Variants in CNTN4 observed in about 807,000 individuals in gnomAD.
CNTN4 encodes the protein contactin-4.
A neutral mutation model predicts 122.5 loss-of-function variants in CNTN4; 77 were observed. That is an observed-to-expected ratio of 0.63 (90% CI 0.52 to 0.76). CNTN4 has a LOEUF of 0.76. Among genes scored for constraint, CNTN4 ranks in the 30% least tolerant of loss-of-function variants. CNTN4 has a pLI of 0.00. For synonymous variants in CNTN4, 512 were observed against 447.0 expected (o/e 1.15, Z -1.83); for missense variants, 1,256 against 1,259.1 (o/e 1.00, Z 0.04).
chr3:2,665,232 AACCAGGCTATAC>A (rs1306042713), intron 4 of CNTN4, among the ~76,000 whole-genome samples: 2 of 152,224 alleles, frequency 1.3e-5, no homozygotes, highest in Non-Finnish European at 2.9e-5. Context: ...GCCTTTTCTT[AACCAGGCTATAC>A]AGAATTTGTA....
At chr3:2,855,208 A>C (rs1032018396) in intron 7 of CNTN4, among the ~76,000 whole-genome samples, 2 of 152,196 alleles carry the variant, frequency 1.3e-5, no homozygotes, top group African/African-American at 4.8e-5. Flanking sequence ...CAGTCAGGGT[A>C]ATCACTGCTG....
At chr3:3,052,883 C>T (rs1701403604) in intron 23 of CNTN4, among the ~76,000 whole-genome samples, 1 of 152,198 alleles carries the variant, frequency 6.6e-6, no homozygotes, top group Admixed American at 6.5e-5. Flanking sequence ...AATGTCCTGT[C>T]TCTAAGAGTC....
At chr3:2,636,940 GT>G (rs34067643) in intron 4 of CNTN4, among the ~76,000 whole-genome samples, 10,919 of 95,048 alleles carry the variant, frequency 0.11, 232 homozygotes, top group South Asian at 0.18. Flanking sequence ...TTTTTTTTTG[GT>G]TTTTTTTTTT....
At position 2,709,231 on chromosome 3, in the gene CNTN4, A is replaced by G. The variant is rs897290915; in HGVS notation, c.56-26984A>G. Among the ~76,000 whole-genome samples the G allele has an allele frequency of 2.0e-5, 3 of 152,362 alleles. No individual in the cohort carries two copies. In the South Asian group the frequency reaches 6.2e-4, roughly 32 times the overall value. ...TAAAAATAACTATTTCTTTTAGAAT[A>G]AAGAATGTATTTATAGTTTTGTTTT... On this transcript the variant is annotated intron_variant, in intron 4 of 24. Transcript: ENST00000418658. The surrounding 1 kb of genome is among the most constrained non-coding windows in gnomAD (Gnocchi z 5.0).
At chr3:2,327,931 C>T (rs886913436) in intron 2 of CNTN4, among the ~76,000 whole-genome samples, 12 of 152,164 alleles carry the variant, frequency 7.9e-5, no homozygotes, top group African/African-American at 2.7e-4. Flanking sequence ...TCCCCTCACC[C>T]CTTCCCCACT....
chr3:3,050,280 T>C (rs163566), intron 23 of CNTN4, among the ~76,000 whole-genome samples: 88,261 of 151,584 alleles, frequency 0.58, 25,893 homozygotes, highest in East Asian at 0.77. Context: ...TAAATGTTCA[T>C]GTCTAACTCA....
chr3:2,952,695 C>T (rs972346374), intron 13 of CNTN4, among the ~76,000 whole-genome samples: 7 of 152,104 alleles, frequency 4.6e-5, no homozygotes, highest in Non-Finnish European at 7.4e-5. Flanking sequence ...TGTCAATTCA[C>T]TACAAATATT....
rs2094191049 is a variant in CNTN4 at position 2,902,970 on chromosome 3, G to T, written c.1172G>T (p.Gly391Val). Residue 391 changes from glycine (G) to valine (V), a missense_variant, in exon 12 of 25, where the codon GGA becomes GTA. Coordinates refer to ENST00000418658, the MANE Select transcript of CNTN4 (RefSeq NM_175607.3). ...CAGTGTTTGGCAGAGAATAAACATG[G>T]AGTTATCTTTTCCAACGCAGAGCTT... ...MYQCLAENKHGVIFSNAELSV... is the reference protein window; with the variant it reads ...MYQCLAENKHVVIFSNAELSV... The T allele has an allele frequency of 1.2e-6, 2 of 1,613,712 alleles. No homozygotes were observed. Among genetic ancestry groups the T allele is most frequent in the Non-Finnish European group, 1.7e-6 (2 of 1,179,888 alleles).
intron 13 of CNTN4, among the ~76,000 whole-genome samples, chr3:2,939,357 AGGTGTGTGTG>A (rs1237012517): frequency 1.3e-5 from 2 of 151,960 alleles, no homozygotes; most frequent in African/African-American, 2.4e-5. Context: ...TAAATAGAGT[AGGTGTGTGTG>A]GGTGTGTGTG....
At chr3:2,806,154 G>A (rs1333893243) in intron 6 of CNTN4, among the ~76,000 whole-genome samples, 1 of 152,132 alleles carries the variant, frequency 6.6e-6, no homozygotes, top group Non-Finnish European at 1.5e-5. Flanking sequence ...GCCTGCCTCG[G>A]CCTCCCAAAG....
chr3:2,595,629 G>A (rs1414666615), intron 4 of CNTN4, among the ~76,000 whole-genome samples: 1 of 152,176 alleles, frequency 6.6e-6, no homozygotes, highest in Non-Finnish European at 1.5e-5. Flanking sequence ...GGATACTAAA[G>A]TATCCCTTGT....
chr3:2,614,162 C>G (rs1244593242), intron 4 of CNTN4, among the ~76,000 whole-genome samples: 1 of 152,046 alleles, frequency 6.6e-6, no homozygotes, highest in East Asian at 1.9e-4. Flanking sequence ...AGAGTTTAAG[C>G]TGAAATCTAA....
intron 12 of CNTN4, among the ~76,000 whole-genome samples, chr3:2,912,358 A>C (rs1365551816): frequency 6.6e-6 from 1 of 152,204 alleles, no homozygotes; most frequent in East Asian, 1.9e-4. Context: ...AAAATGAGGG[A>C]GAAGTGGAGA....
At chr3:2,440,090 G>T (rs533725697) in intron 3 of CNTN4, among the ~76,000 whole-genome samples, 2 of 152,166 alleles carry the variant, frequency 1.3e-5, no homozygotes, top group Non-Finnish European at 2.9e-5. Context: ...TATTATATTT[G>T]TAAAGATATG....
intron 3 of CNTN4, among the ~76,000 whole-genome samples, chr3:2,411,169 C>T (rs528346863): frequency 2.2e-4 from 33 of 152,196 alleles, no homozygotes; most frequent in Non-Finnish European, 1.9e-4. Flanking sequence ...TAGGGCCTAT[C>T]GGGGTCAGGG....
At chr3:2,510,310 C>A (rs1165527470) in intron 3 of CNTN4, among the ~76,000 whole-genome samples, 1 of 152,024 alleles carries the variant, frequency 6.6e-6, no homozygotes, top group African/African-American at 2.4e-5. Flanking sequence ...GCAGCAAAGC[C>A]CTTATTGTAC....
chr3:2,161,769 A>G (rs962664533), intron 2 of CNTN4, among the ~76,000 whole-genome samples: 2 of 152,216 alleles, frequency 1.3e-5, no homozygotes, highest in African/African-American at 4.8e-5. Context: ...AGGAGCCAGT[A>G]TAGTTAAGTT....
At chr3:2,737,635 G>C (rs1029655657) in intron 5 of CNTN4, among the ~76,000 whole-genome samples, 2 of 152,184 alleles carry the variant, frequency 1.3e-5, no homozygotes, top group African/African-American at 4.8e-5. Flanking sequence ...GTTTGGAACC[G>C]AAAGAAGTAA....
chr3:2,775,093 G>C (rs1206598208), intron 6 of CNTN4, among the ~76,000 whole-genome samples: 3 of 152,188 alleles, frequency 2.0e-5, no homozygotes, highest in Non-Finnish European at 4.4e-5. Context: ...ATAAGTGATG[G>C]TTTGCTTTTG....
Sources: gnomAD v4.1 joint callset for allele counts (sites outside exome capture counted in the v4.1 genomes callset) on GRCh38, gnomAD v4.1.1 for gene constraint, Gnocchi (gnomAD v3.1) non-coding constraint, MANE v1.5 for transcripts, NCBI Gene and HGNC (gene_info 2026-07-23, HGNC 2026-07-21) for gene names.